The following SCN3B variants were observed in gnomAD, a reference collection of about 807,000 sequenced individuals.
SCN3B encodes the protein sodium voltage-gated channel beta subunit 3.
Under a neutral mutation model 25.4 loss-of-function variants are expected in SCN3B, and 11 were observed. That is an observed-to-expected ratio of 0.43 (90% CI 0.27 to 0.72). The LOEUF (loss-of-function observed/expected upper bound fraction) is 0.72. Ranked by LOEUF, SCN3B falls within the 30% of genes least tolerant of loss-of-function variation. The pLI, the probability that SCN3B is intolerant of heterozygous loss-of-function variation, is 0.18. For missense variants in SCN3B, 218 were observed against 278.3 expected (o/e 0.78, Z 1.54); for synonymous variants, 109 against 110.7 (o/e 0.99, Z 0.09).
Position 123,642,756 on chromosome 11 carries a change from A to G in SCN3B, c.220-85T>C. 1 of 1,024,810 alleles carries G rather than the reference A, an allele frequency of 9.8e-7. No homozygotes were observed. The highest frequency in any genetic ancestry group is 1.5e-6 in the Non-Finnish European group (1 of 667,496). 63.5% of individuals were successfully genotyped at this position (1,024,810 alleles called of 1,614,324 possible). A position where few individuals can be genotyped will look rare whatever the true frequency, so the allele number is the denominator to read the frequency against. On this transcript the variant is annotated intron_variant, in intron 3 of 6. Transcript: ENST00000299333. The surrounding 1 kb of genome is among the most constrained non-coding windows in gnomAD (Gnocchi z 4.3). ...CCGAGTTAGGGACAGGGCAGAGAAA[A>G]GGAGCAGAATTGTGCATGGACAGGG...
Position 123,642,352 on chromosome 11 carries a change from C to T in SCN3B, c.445+94G>A. ...CATTCCAAATACATGGGTTTTTGCACTCTTTAAGGGCCTCACTCGTGGAAA... is the reference window on the plus strand; with the variant it reads ...CATTCCAAATACATGGGTTTTTGCATTCTTTAAGGGCCTCACTCGTGGAAA... On this transcript the variant is annotated intron_variant, in intron 4 of 6. Coordinates refer to ENST00000299333, the MANE Select transcript of SCN3B (RefSeq NM_001040151.2). The surrounding 1 kb of genome is among the most constrained non-coding windows in gnomAD (Gnocchi z 4.3). 8.1e-7 allele frequency: 1 copy of T among 1,231,806 alleles called. No homozygotes were observed. 76.3% of individuals were successfully genotyped at this position (1,231,806 alleles called of 1,614,324 possible). A position where few individuals can be genotyped will look rare whatever the true frequency, so the allele number is the denominator to read the frequency against.
At chr11:123,639,655 GGCGTGA>G (rs1387579550) in intron 4 of SCN3B, 1 of 152,272 alleles carries the variant, frequency 6.6e-6, no homozygotes, top group Non-Finnish European at 1.5e-5. Flanking sequence ...TGGGATTACA[GGCGTGA>G]GCCACCGCGT....
chr11:123,641,522 C>A (rs1955791285), intron 4 of SCN3B, among the ~76,000 whole-genome samples: 1 of 152,116 alleles, frequency 6.6e-6, no homozygotes, highest in Non-Finnish European at 1.5e-5. Context: ...CTGTCTTTAA[C>A]TTGATCTTTT....
At chr11:123,644,524 C>A (rs959499323) in intron 3 of SCN3B, among the ~76,000 whole-genome samples, 7 of 152,106 alleles carry the variant, frequency 4.6e-5, no homozygotes, top group African/African-American at 1.7e-4. Context: ...GGAATCCCAG[C>A]ACTTTGGGAG....
chr11:123,637,275 C>G (rs1461650176), intron 5 of SCN3B, among the ~76,000 whole-genome samples: 2 of 152,100 alleles, frequency 1.3e-5, no homozygotes, highest in Non-Finnish European at 2.9e-5. Flanking sequence ...CTGCCAGGCT[C>G]TAGGGGAAAT....
At chr11:123,637,489 C>G (rs150687353) in intron 5 of SCN3B, among the ~76,000 whole-genome samples, 1 of 152,014 alleles carries the variant, frequency 6.6e-6, no homozygotes, top group Non-Finnish European at 1.5e-5. Flanking sequence ...ATTTACAGAA[C>G]GGTTATAATA....
intron 2 of SCN3B, among the ~76,000 whole-genome samples, chr11:123,651,373 CT>C (rs35858155): frequency 2.7e-4 from 40 of 148,038 alleles, no homozygotes; most frequent in Admixed American, 4.0e-4. Flanking sequence ...GTTTTTCTTT[CT>C]TTTTTTTTTG....
At position 123,642,696 on chromosome 11, in the gene SCN3B, G is replaced by A. The variant is rs1225243549; in HGVS notation, c.220-25C>T. On this transcript the variant is annotated intron_variant, in intron 3 of 6. Coordinates refer to ENST00000299333, the MANE Select transcript of SCN3B (RefSeq NM_001040151.2). The surrounding 1 kb of genome is among the most constrained non-coding windows in gnomAD (Gnocchi z 4.3). ...TCTGCAGATAGAGGAGCAGAAGAGGGTAGGGCCAGGAAAGGAGATGGCAGT... is the reference window on the plus strand; with the variant it reads ...TCTGCAGATAGAGGAGCAGAAGAGGATAGGGCCAGGAAAGGAGATGGCAGT... 6 of 1,590,010 alleles carry A rather than the reference G, an allele frequency of 3.8e-6. No individual in the cohort carries two copies. In the Admixed American group the frequency reaches 1.0e-4, roughly 27 times the overall value.
At chr11:123,653,709 G>A (rs1383056473) in intron 2 of SCN3B, 38 bp downstream of exon 2, 2 of 1,608,168 alleles carry the variant, frequency 1.2e-6, no homozygotes, top group Non-Finnish European at 1.7e-6. Context: ...CATTGTTACT[G>A]TTACCTGCAT....
intron 3 of SCN3B, among the ~76,000 whole-genome samples, chr11:123,643,582 C>T (rs1321075665): frequency 6.6e-6 from 1 of 152,254 alleles, no homozygotes; most frequent in Non-Finnish European, 1.5e-5. Context: ...GCCACTGTAT[C>T]GCACAGCACA....
intron 2 of SCN3B, among the ~76,000 whole-genome samples, chr11:123,648,847 G>A (rs1322325661): frequency 1.1e-4 from 16 of 152,192 alleles, no homozygotes; most frequent in Admixed American, 9.8e-4. Flanking sequence ...AGAATAGAAG[G>A]GGATGAAGTA....
At position 123,642,535 on chromosome 11, in the gene SCN3B, G is replaced by C. The variant is rs1565496005; in HGVS notation, c.356C>G (p.Thr119Ser). The part of the protein sequence containing the change: ...NVTLNDSGLY[T>S]CNVSREFEFE... ...CTCAAACTCCCGGGACACATTGCAG[G>C]TGTAGAGGCCAGAGTCGTTCAGAGT... Residue 119 changes from threonine (T) to serine (S), a missense_variant, in exon 4 of 7, where the codon ACC becomes AGC. Physicochemically the swap from Thr to Ser is moderately conservative, Grantham distance 58. Coordinates refer to ENST00000299333, the MANE Select transcript of SCN3B (RefSeq NM_001040151.2). This position sits in a 1 kb window ranked among gnomAD's most constrained non-coding sequence, Gnocchi z 4.3. 3 of 1,614,236 alleles carry C rather than the reference G, an allele frequency of 1.9e-6. No homozygotes were observed. Among genetic ancestry groups the C allele is most frequent in the Non-Finnish European group, 2.5e-6 (3 of 1,180,044 alleles).
Position 123,638,216 on chromosome 11 carries a change from G to A in SCN3B, c.554C>T (p.Ser185Leu), listed in dbSNP as rs1955751002. 1.2e-6 allele frequency: 2 copies of A among 1,614,108 alleles called. No individual in the cohort carries two copies. The highest frequency in any genetic ancestry group is 4.5e-5 in the East Asian group (2 of 44,880). ...TTCTTGGGCTGCCTCTTCGGCTTTT[G>A]AGACCTTTCTGTAGCAATATATCAT... ...IEMIYCYRKVSKAEEAAQENA... is the reference protein window; with the variant it reads ...IEMIYCYRKVLKAEEAAQENA... The change falls in exon 5 of 7, where the codon TCA becomes TTA. Residue 185 changes from serine to leucine, a missense_variant. Ser to Leu is a moderately radical substitution (Grantham distance 145). Coordinates refer to ENST00000299333, the MANE Select transcript of SCN3B (RefSeq NM_001040151.2).
At chr11:123,647,150 G>A (rs1049494951) in intron 2 of SCN3B, among the ~76,000 whole-genome samples, 1 of 152,120 alleles carries the variant, frequency 6.6e-6, no homozygotes, top group East Asian at 1.9e-4. Flanking sequence ...TAAATGCTAA[G>A]AGAGTGTACA....
chr11:123,634,078 G>A (rs1226010408), intron 6 of SCN3B, 43 bp downstream of exon 6: 18 of 1,470,898 alleles, frequency 1.2e-5, no homozygotes, highest in Non-Finnish European at 1.7e-5. Context: ...TGTACAACCT[G>A]CCATCCACAT....
chr11:123,653,815 C>T lies in SCN3B; in HGVS notation c.-14G>A, dbSNP rs1478008935. 1.2e-6 allele frequency: 2 copies of T among 1,614,118 alleles called. No homozygotes were observed. Among genetic ancestry groups the T allele is most frequent in the South Asian group, 1.1e-5 (1 of 91,072 alleles). Reference sequence around the variant, plus strand: ...GAAGGCAGGCATCTTCTGGGGCTGGCGGCTTCCAAGGCTACACAGAGAGAT... The same window carrying T: ...GAAGGCAGGCATCTTCTGGGGCTGGTGGCTTCCAAGGCTACACAGAGAGAT... On this transcript the variant is annotated 5_prime_UTR_variant, in exon 2 of 7. Transcript: ENST00000299333.
At position 123,645,690 on chromosome 11, in the gene SCN3B, T is replaced by C; in HGVS notation, c.116A>G (p.Asn39Ser). The C allele has an allele frequency of 6.2e-7, 1 of 1,614,042 alleles. No individual in the cohort carries two copies. Among genetic ancestry groups the C allele is most frequent in the Non-Finnish European group, 8.5e-7 (1 of 1,180,004 alleles). The change falls in exon 3 of 7, where the codon AAC becomes AGC. Residue 39 changes from asparagine (N) to serine (S), a missense_variant. Asn to Ser is a conservative substitution (Grantham distance 46). Coordinates refer to ENST00000299333, the MANE Select transcript of SCN3B (RefSeq NM_001040151.2). ...GGAGATGCAGCGCAGCTTCATGGGGTTGCCCTGCACGGCCTCCGTCTCCGA... is the reference window on the plus strand; with the variant it reads ...GGAGATGCAGCGCAGCTTCATGGGGCTGCCCTGCACGGCCTCCGTCTCCGA... ...VPSETEAVQG[N>S]PMKLRCISCM...
rs1430180344 is a variant in SCN3B at position 123,654,615 on chromosome 11, G to A, written c.-415C>T. The A allele has an allele frequency of 3.3e-5, 5 of 152,798 alleles. No homozygotes were observed. Among genetic ancestry groups the A allele is most frequent in the Non-Finnish European group, 7.3e-5 (5 of 68,542 alleles). 9.5% of individuals were successfully genotyped at this position (152,798 alleles called of 1,614,324 possible). A position where few individuals can be genotyped will look rare whatever the true frequency, so the allele number is the denominator to read the frequency against. On this transcript the variant is annotated 5_prime_UTR_variant, in exon 1 of 7. Transcript: ENST00000299333. ...GTGCTGTCAGCCCTGACATGCGCAG[G>A]CGGCTCTCCGCCACCACCACCGCCC... is the stretch of plus-strand genomic sequence containing the variant.
chr11:123,644,800 A>AGAGAGAGAGAATAT (rs1272015067), intron 3 of SCN3B, among the ~76,000 whole-genome samples: 15 of 45,582 alleles, frequency 3.3e-4, no homozygotes, highest in African/African-American at 1.2e-3. Flanking sequence ...AGAGAGAGAG[A>AGAGAGAGAGAATAT]ATATATATAT....
Sources: allele counts gnomAD v4.1 joint callset (sites outside exome capture counted in the v4.1 genomes callset), GRCh38; gene constraint gnomAD v4.1.1; non-coding constraint Gnocchi (gnomAD v3.1); transcripts MANE v1.5; gene names NCBI Gene and HGNC (gene_info 2026-07-23, HGNC 2026-07-21).